The following PSD2 variants were observed in gnomAD, a reference collection of about 807,000 sequenced individuals.
PSD2 encodes the protein pleckstrin and Sec7 domain containing 2, also known as PH and SEC7 domain-containing protein 2.
PSD2 carries 38 observed loss-of-function variants against 69.8 expected under a neutral mutation model. That is an observed-to-expected ratio of 0.54 (90% CI 0.42 to 0.71). The LOEUF (loss-of-function observed/expected upper bound fraction) is 0.71. Among genes scored for constraint, PSD2 ranks in the 30% least tolerant of loss-of-function variants. The probability of loss-of-function intolerance (pLI) is 0.00; values close to 1 mark genes in which losing one functional copy is unlikely to be tolerated. For missense variants in PSD2, 943 were observed against 1,014.5 expected (o/e 0.93, Z 0.96); for synonymous variants, 412 against 423.0 (o/e 0.97, Z 0.32).
the PSD2 span, among the ~76,000 whole-genome samples, chr5:139,750,716 C>T: frequency 9.3e-4 from 142 of 152,278 alleles, no homozygotes; most frequent in African/African-American, 3.2e-3. Context: ...GATGATGGTT[C>T]AGGGAAAGAG....
At chr5:139,776,256 T>A in the PSD2 span, among the ~76,000 whole-genome samples, 3 of 152,208 alleles carry the variant, frequency 2.0e-5, no homozygotes, top group African/African-American at 7.2e-5. Context: ...CGGGCCCAAG[T>A]CCCAAGGGCT....
intron 9 of PSD2, among the ~76,000 whole-genome samples, chr5:139,836,591 AAGATCAG>A (rs1018571519): frequency 2.0e-5 from 3 of 152,182 alleles, no homozygotes; most frequent in African/African-American, 4.8e-5. Flanking sequence ...ACAAAAATCA[AAGATCAG>A]AGGTCAGAGG....
upstream of PSD2, among the ~76,000 whole-genome samples, chr5:139,795,146 T>C (rs1482805453): frequency 6.6e-6 from 1 of 152,006 alleles, no homozygotes; most frequent in Non-Finnish European, 1.5e-5. This position sits in a 1 kb window ranked among gnomAD's most constrained non-coding sequence, Gnocchi z 4.5. Flanking sequence ...TTCTTTCTCC[T>C]TTGTCTCTTT....
the PSD2 span, among the ~76,000 whole-genome samples, chr5:139,750,256 C>T: frequency 6.6e-6 from 1 of 152,102 alleles, no homozygotes; most frequent in African/African-American, 2.4e-5. Context: ...ACCCAGGAGG[C>T]TGAGCTTGCA....
chr5:139,766,384 T>C, the PSD2 span, among the ~76,000 whole-genome samples: 1 of 152,170 alleles, frequency 6.6e-6, no homozygotes, highest in African/African-American at 2.4e-5. Context: ...TACCAGCGCC[T>C]AGCCTTCTTT....
Position 139,842,611 on chromosome 5 carries a change from C to A in PSD2, c.*137C>A. 1 of 744,610 alleles carries A rather than the reference C, an allele frequency of 1.3e-6. No individual in the cohort carries two copies. The highest frequency in any genetic ancestry group is 1.8e-5 in the South Asian group (1 of 56,600). The allele number at this position is 744,610 out of a possible 1,614,324, so 46.1% of individuals were successfully genotyped here. A position where few individuals can be genotyped will look rare whatever the true frequency, so the allele number is the denominator to read the frequency against. ...AGAGGGGTGCAGAAAGCCTGTGGGCCCAGGAGATGGAGATGCCGTTTGTGG... is the reference window on the plus strand; with the variant it reads ...AGAGGGGTGCAGAAAGCCTGTGGGCACAGGAGATGGAGATGCCGTTTGTGG... On this transcript the variant is annotated 3_prime_UTR_variant, in exon 15 of 15. Transcript: ENST00000274710.
chr5:139,751,139 G>T, the PSD2 span, among the ~76,000 whole-genome samples: 1 of 152,156 alleles, frequency 6.6e-6, no homozygotes, highest in Non-Finnish European at 1.5e-5. Flanking sequence ...ACATCCAGGT[G>T]GTTCAGCTCT....
chr5:139,756,536 T>TG, the PSD2 span, among the ~76,000 whole-genome samples: 1 of 151,996 alleles, frequency 6.6e-6, no homozygotes, highest in South Asian at 2.1e-4. Flanking sequence ...CAGGGTCCCT[T>TG]GGGGGTAGTT....
intron 7 of PSD2, among the ~76,000 whole-genome samples, chr5:139,830,239 T>A (rs1760538652): frequency 2.0e-5 from 3 of 152,106 alleles, no homozygotes; most frequent in Admixed American, 2.0e-4. Context: ...TGTTGTTGTA[T>A]TCTTAGAGTT....
At chr5:139,795,590 G>A (rs1018635721), upstream of PSD2, among the ~76,000 whole-genome samples, 2 of 152,000 alleles carry the variant, frequency 1.3e-5, no homozygotes, top group African/African-American at 4.8e-5. This position sits in a 1 kb window ranked among gnomAD's most constrained non-coding sequence, Gnocchi z 4.5. Context: ...TAAAGGGCCC[G>A]CGCGGGGCAG....
the PSD2 span, among the ~76,000 whole-genome samples, chr5:139,743,464 G>A: frequency 6.6e-6 from 1 of 152,176 alleles, no homozygotes; most frequent in South Asian, 2.1e-4. Context: ...TGGGGTCTGC[G>A]TGTTGGTGTG....
At chr5:139,794,245 A>T (rs1404282735), upstream of PSD2, among the ~76,000 whole-genome samples, 1 of 152,214 alleles carries the variant, frequency 6.6e-6, no homozygotes, top group African/African-American at 2.4e-5. Flanking sequence ...TGAGCAAGTG[A>T]CTTATGCTCT....
intron 7 of PSD2, among the ~76,000 whole-genome samples, chr5:139,830,194 C>T (rs1362860011): frequency 1.3e-5 from 2 of 151,224 alleles, no homozygotes; most frequent in Admixed American, 6.6e-5. Context: ...CTATTCAGGT[C>T]CTTCATTCAT....
At chr5:139,768,058 G>GC in the PSD2 span, among the ~76,000 whole-genome samples, 1 of 152,366 alleles carries the variant, frequency 6.6e-6, no homozygotes, top group African/African-American at 2.4e-5. Flanking sequence ...CAGATATCTG[G>GC]CCCCCCGCCA....
the PSD2 span, among the ~76,000 whole-genome samples, chr5:139,751,901 TC>T: frequency 6.7e-6 from 1 of 148,574 alleles, no homozygotes; most frequent in Non-Finnish European, 1.5e-5. Flanking sequence ...TCAGCAATCC[TC>T]CCACCTCAGC....
chr5:139,787,895 G>A, the PSD2 span, among the ~76,000 whole-genome samples: 1 of 152,260 alleles, frequency 6.6e-6, no homozygotes, highest in Admixed American at 6.5e-5. Context: ...GGGCAAAGTT[G>A]AGGAAATACC....
At chr5:139,813,970 G>A (rs1329318066) in intron 3 of PSD2, among the ~76,000 whole-genome samples, 200 bp from the exon 4 acceptor site, 3 of 152,214 alleles carry the variant, frequency 2.0e-5, no homozygotes, top group African/African-American at 7.2e-5. Context: ...GAAGTCGGGG[G>A]AGTCAGGGAA....
upstream of PSD2, among the ~76,000 whole-genome samples, chr5:139,792,281 G>T (rs1487987055): frequency 6.6e-6 from 1 of 152,184 alleles, no homozygotes; most frequent in Non-Finnish European, 1.5e-5. Context: ...TGGGCCTCAG[G>T]CTTCCAGCTG....
At chr5:139,758,058 G>C in the PSD2 span, among the ~76,000 whole-genome samples, 1 of 152,222 alleles carries the variant, frequency 6.6e-6, no homozygotes, top group East Asian at 1.9e-4. Context: ...AAAACGAAAC[G>C]AAACAAAAAA....
Sources: allele counts gnomAD v4.1 joint callset (sites outside exome capture counted in the v4.1 genomes callset), GRCh38; gene constraint gnomAD v4.1.1; non-coding constraint Gnocchi (gnomAD v3.1); transcripts MANE v1.5; gene names NCBI Gene and HGNC (gene_info 2026-07-23, HGNC 2026-07-21).